PRKCB: variants seen among roughly 807,000 people sequenced by gnomAD.
PRKCB encodes the protein protein kinase C beta, also known as protein kinase C beta type.
In PRKCB, 13 loss-of-function variants were observed where a neutral mutation model predicts 81.5. The ratio of observed to expected loss-of-function variants is 0.16; its 90% CI spans 0.10 to 0.25. The LOEUF is 0.25. Ranked by LOEUF, PRKCB falls within the 10% of genes least tolerant of loss-of-function variation. The pLI is 1.00. For missense variants in PRKCB, 509 were observed against 875.7 expected (o/e 0.58, Z 5.29); for synonymous variants, 335 against 321.4 (o/e 1.04, Z -0.45).
chr16:24,174,023 G>A (rs371055320), intron 11 of PRKCB, among the ~76,000 whole-genome samples: 7 of 151,684 alleles, frequency 4.6e-5, no homozygotes, highest in African/African-American at 1.5e-4. Flanking sequence ...TTTTGGGGGG[G>A]TGGGGGACAG....
intron 2 of PRKCB, among the ~76,000 whole-genome samples, chr16:23,950,155 T>TTTTTTTTTTTTTTTC (rs1964260932): frequency 6.8e-6 from 1 of 147,068 alleles, no homozygotes; most frequent in African/African-American, 2.6e-5. Flanking sequence ...TTTTTTTTTT[T>TTTTTTTTTTTTTTTC]TTTCTGTTGA....
At chr16:24,036,901 C>T (rs112703924) in intron 5 of PRKCB, among the ~76,000 whole-genome samples, 19 of 152,258 alleles carry the variant, frequency 1.2e-4, no homozygotes, top group South Asian at 4.1e-4. Context: ...AGCATGACTG[C>T]GGGCAGCCAA....
chr16:24,071,436 TAAA>T lies in PRKCB; in HGVS notation c.530-21331_530-21329del, dbSNP rs398042091. ...CTGGGTAACATGGTGAGACCCTGTC[TAAA>T]AAAAAAAAAAAAAAAAAAAAAAAGA... On this transcript the variant is annotated intron_variant, in intron 5 of 16. Coordinates refer to ENST00000643927, the MANE Select transcript of PRKCB (RefSeq NM_002738.7). Among the ~76,000 whole-genome samples the T allele has an allele frequency of 8.5e-3, 488 of 57,258 alleles. 3 individuals are homozygous for T. The highest frequency in any genetic ancestry group is 0.012 in the Non-Finnish European group (320 of 27,778). The allele number at this position is 57,258 out of a possible 152,430, so 37.6% of individuals were successfully genotyped here.
chr16:24,028,975 GA>G (rs1965517740), intron 3 of PRKCB, among the ~76,000 whole-genome samples: 1 of 151,650 alleles, frequency 6.6e-6, no homozygotes, highest in Admixed American at 6.6e-5. Flanking sequence ...ATTTTTAATA[GA>G]GACAGGGTTC....
chr16:24,092,111 A>G (rs186544888), intron 5 of PRKCB, among the ~76,000 whole-genome samples: 2 of 152,300 alleles, frequency 1.3e-5, no homozygotes, highest in African/African-American at 4.8e-5. Flanking sequence ...ATCTCTATCT[A>G]GTTCTCAGAA....
In PRKCB at chr16:24,061,928, A is replaced by AAC. The variant is rs1326695724; in HGVS notation, c.529+26382_529+26383insCA. ...AAATAAATAAAAAAAAAAAAAAAAA[A>AAC]AAAAACTTGAGGCCTGCTGGACTTT... On this transcript the variant is annotated intron_variant, in intron 5 of 16. Transcript: ENST00000643927. 2.7e-5 allele frequency among the ~76,000 whole-genome samples: 4 copies of AAC among 150,104 alleles called. No individual in the cohort carries two copies. The East Asian group carries it at 5.8e-4, about 22-fold the overall frequency.
intron 2 of PRKCB, among the ~76,000 whole-genome samples, chr16:23,960,700 C>T (rs535336083): frequency 2.6e-5 from 4 of 152,332 alleles, no homozygotes; most frequent in Non-Finnish European, 4.4e-5. Context: ...CATTATTCAG[C>T]GCCCACTTAT....
intron 9 of PRKCB, chr16:24,151,911 C>T: frequency 2.2e-6 from 1 of 454,604 alleles, no homozygotes; most frequent in Admixed American, 2.3e-5. Context: ...GGGGAAATTC[C>T]CAGCCATTCT....
intron 5 of PRKCB, among the ~76,000 whole-genome samples, chr16:24,051,772 C>T (rs913529989): frequency 8.5e-5 from 13 of 152,106 alleles, no homozygotes; most frequent in African/African-American, 3.1e-4. Context: ...ATCTCAGCTA[C>T]TCAGGAGACT....
intron 2 of PRKCB, among the ~76,000 whole-genome samples, chr16:23,881,371 G>A (rs760917331): frequency 5.3e-5 from 8 of 151,108 alleles, no homozygotes; most frequent in Non-Finnish European, 1.0e-4. Context: ...TCCCGCCTCA[G>A]CCTCCCAAGT....
At position 24,214,952 on chromosome 16, in the gene PRKCB, A is replaced by G; in HGVS notation, c.*136A>G. The G allele has an allele frequency of 6.7e-7, 1 of 1,494,608 alleles. No homozygotes were observed. The highest frequency in any genetic ancestry group is 8.9e-7 in the Non-Finnish European group (1 of 1,128,372). 92.6% of individuals were successfully genotyped at this position (1,494,608 alleles called of 1,614,324 possible). A position where few individuals can be genotyped will look rare whatever the true frequency, so the allele number is the denominator to read the frequency against. ...TGAGACTAGAGTGACAGTGTTTCAG[A>G]ACCCAAATGTCCTCAGGTAGTTTGG... On this transcript the variant is annotated 3_prime_UTR_variant, in exon 17 of 17. Coordinates refer to ENST00000643927, the MANE Select transcript of PRKCB (RefSeq NM_002738.7).
intron 8 of PRKCB, among the ~76,000 whole-genome samples, chr16:24,116,233 C>CAA (rs1306699484): frequency 2.6e-5 from 4 of 152,046 alleles, no homozygotes; most frequent in African/African-American, 9.6e-5. Context: ...AACAAACTAT[C>CAA]AAGTTTGTTC....
chr16:24,102,523 T>C (rs1334029547), intron 7 of PRKCB, among the ~76,000 whole-genome samples: 1 of 152,210 alleles, frequency 6.6e-6, no homozygotes, highest in Non-Finnish European at 1.5e-5. Flanking sequence ...TGTGCTGTAA[T>C]TGAAGACCGT....
At chr16:23,950,132 A>AGT (rs55986931) in intron 2 of PRKCB, among the ~76,000 whole-genome samples, 46,318 of 97,408 alleles carry the variant, frequency 0.48, 18,689 homozygotes, top group Admixed American at 0.6. Context: ...TATGATTTGA[A>AGT]TTTTTTTTTT....
chr16:24,214,686 G>A lies in PRKCB; in HGVS notation c.1892G>A (p.Arg631Gln), dbSNP rs1165512847. ...ACGRNAENFD[R>Q]FFTRHPPVLT... ...GGGCGAAATGCTGAAAACTTCGACC[G>A]ATTTTTCACCCGCCATCCACCAGTC... Residue 631 changes from arginine (R) to glutamine (Q), a missense_variant, in exon 17 of 17, where the codon CGA (arginine) becomes CAA (glutamine). By Grantham distance (43) the Arg-to-Gln change is conservative. This residue lies in a region of PRKCB where 104 missense variants were observed against 160.5 expected (regional missense o/e 0.65). Transcript: ENST00000643927. The A allele has an allele frequency of 5.6e-6, 9 of 1,613,962 alleles. No homozygotes were observed. Among genetic ancestry groups the A allele is most frequent in the Non-Finnish European group, 7.6e-6 (9 of 1,179,970 alleles).
intron 13 of PRKCB, among the ~76,000 whole-genome samples, chr16:24,184,898 C>A (rs191584178): frequency 7.2e-5 from 11 of 152,320 alleles, no homozygotes; most frequent in Admixed American, 1.3e-4. Context: ...TAACAATACA[C>A]CTTACTTAGT....
chr16:23,955,856 C>T (rs1221346941), intron 2 of PRKCB, among the ~76,000 whole-genome samples: 1 of 152,170 alleles, frequency 6.6e-6, no homozygotes, highest in African/African-American at 2.4e-5. Flanking sequence ...CCTGCACTGA[C>T]TTTTTGTGTC....
intron 2 of PRKCB, among the ~76,000 whole-genome samples, chr16:23,857,906 C>T (rs1248312736): frequency 6.6e-6 from 1 of 152,166 alleles, no homozygotes; most frequent in Non-Finnish European, 1.5e-5. Flanking sequence ...AAGTACTTTA[C>T]ATGTATTAAC....
intron 8 of PRKCB, among the ~76,000 whole-genome samples, chr16:24,115,872 C>G (rs1966732191): frequency 6.6e-6 from 1 of 152,076 alleles, no homozygotes; most frequent in Non-Finnish European, 1.5e-5. Context: ...ACTACAGGTG[C>G]CCACCACCAC....
Sources: allele counts gnomAD v4.1 joint callset (sites outside exome capture counted in the v4.1 genomes callset), GRCh38; gene constraint gnomAD v4.1.1; regional missense constraint gnomAD v4.1.1; transcripts MANE v1.5; gene names NCBI Gene and HGNC (gene_info 2026-07-23, HGNC 2026-07-21).